Variants in PTPRM observed in about 807,000 individuals in gnomAD.
PTPRM encodes receptor-type tyrosine-protein phosphatase mu.
In PTPRM, 47 loss-of-function variants were observed where a neutral mutation model predicts 186.7. That is an observed-to-expected ratio of 0.25 (90% CI 0.20 to 0.32). PTPRM has a LOEUF of 0.32. PTPRM is among the 10% of genes least tolerant of loss of function. The probability of loss-of-function intolerance (pLI) is 1.00; values close to 1 mark genes in which losing one functional copy is unlikely to be tolerated. For synonymous variants in PTPRM, 668 were observed against 674.9 expected (o/e 0.99, Z 0.16); for missense variants, 1,494 against 1,865.0 (o/e 0.80, Z 3.66).
intron 7 of PTPRM, among the ~76,000 whole-genome samples, chr18:8,055,114 T>A (rs901446165): frequency 6.6e-6 from 1 of 152,158 alleles, no homozygotes; most frequent in African/African-American, 2.4e-5. Flanking sequence ...ATGTGGAATT[T>A]AATTTTTCTA....
chr18:7,594,333 A>G (rs1371560224), intron 1 of PTPRM, among the ~76,000 whole-genome samples: 1 of 152,102 alleles, frequency 6.6e-6, no homozygotes, highest in East Asian at 1.9e-4. Flanking sequence ...TATAAAAATT[A>G]GCTGGGCATG....
intron 7 of PTPRM, among the ~76,000 whole-genome samples, chr18:8,054,298 A>AATATATATATATATATAT (rs34903203): frequency 9.9e-5 from 13 of 131,682 alleles, no homozygotes; most frequent in African/African-American, 3.2e-4. Context: ...TAGTAGTAGT[A>AATATATATATATATATAT]ATATATATAT....
chr18:7,922,200 G>T (rs2050906500), intron 4 of PTPRM, among the ~76,000 whole-genome samples: 1 of 152,206 alleles, frequency 6.6e-6, no homozygotes, highest in Admixed American at 6.5e-5. Context: ...TATACCAGTA[G>T]TGTGGGAAGG....
intron 2 of PTPRM, among the ~76,000 whole-genome samples, chr18:7,883,130 T>C (rs954134007): frequency 2.0e-5 from 3 of 152,208 alleles, no homozygotes; most frequent in Non-Finnish European, 4.4e-5. Context: ...TCTACTTATA[T>C]ACTAGTGACT....
chr18:7,897,882 CAA>C (rs1567984100), intron 3 of PTPRM, among the ~76,000 whole-genome samples: 1 of 151,916 alleles, frequency 6.6e-6, no homozygotes, highest in Non-Finnish European at 1.5e-5. Context: ...AAGGAGGAAA[CAA>C]AGAGAAAAGT....
chr18:8,150,207 G>A (rs779640183), intron 14 of PTPRM, among the ~76,000 whole-genome samples: 1 of 152,184 alleles, frequency 6.6e-6, no homozygotes, highest in South Asian at 2.1e-4. Flanking sequence ...CTAGATTGGG[G>A]AAGTTCTCCT....
intron 3 of PTPRM, among the ~76,000 whole-genome samples, chr18:7,891,219 G>A (rs1490821627): frequency 4.6e-5 from 7 of 152,044 alleles, no homozygotes; most frequent in East Asian, 1.9e-4. Context: ...CTGGGAGGTC[G>A]AGGCTTCAGT....
intron 2 of PTPRM, among the ~76,000 whole-genome samples, chr18:7,807,110 T>C (rs1185664990): frequency 6.6e-6 from 1 of 152,182 alleles, no homozygotes; most frequent in Non-Finnish European, 1.5e-5. Flanking sequence ...TATCCTAGAT[T>C]TTTCTCCTAT....
At chr18:7,642,723 G>A (rs762317841) in intron 1 of PTPRM, among the ~76,000 whole-genome samples, 2 of 151,670 alleles carry the variant, frequency 1.3e-5, no homozygotes, top group Admixed American at 6.6e-5. Flanking sequence ...TGATGTGGTC[G>A]CGCTAACGTT....
In PTPRM at chr18:7,926,667, A is replaced by G; in HGVS notation, c.647A>G (p.Asp216Gly). The G allele has an allele frequency of 6.2e-7, 1 of 1,612,502 alleles. No homozygotes were observed. The highest frequency in any genetic ancestry group is 8.5e-7 in the Non-Finnish European group (1 of 1,179,602). ...GCCATCGGCAGGACCGTGGCAGGAG[A>G]CAGGCTCTGGTTACAGGTACAGTAA... ...CSAIGRTVAG[D>G]RLWLQGIDVR... The change falls in exon 5 of 33, where the codon GAC becomes GGC. Residue 216 changes from aspartate to glycine, a missense_variant. Asp to Gly is a moderately conservative substitution (Grantham distance 94). Coordinates refer to ENST00000580170, the MANE Select transcript of PTPRM (RefSeq NM_001105244.2).
At chr18:8,176,328 G>C (rs2093481170) in intron 14 of PTPRM, among the ~76,000 whole-genome samples, 1 of 152,150 alleles carries the variant, frequency 6.6e-6, no homozygotes, top group Non-Finnish European at 1.5e-5. Flanking sequence ...AGGCCGAATA[G>C]CCATCTATTG....
intron 14 of PTPRM, among the ~76,000 whole-genome samples, chr18:8,235,568 T>C (rs1443937699): frequency 6.6e-6 from 1 of 151,578 alleles, no homozygotes; most frequent in East Asian, 1.9e-4. Flanking sequence ...TTGTTTCTGT[T>C]TCATTGATTT....
chr18:7,674,323 G>A (rs1399130701), intron 1 of PTPRM, among the ~76,000 whole-genome samples: 1 of 152,212 alleles, frequency 6.6e-6, no homozygotes, highest in Non-Finnish European at 1.5e-5. Context: ...AAAGCTTCAA[G>A]AGTTGGGTTT....
At chr18:7,961,229 CTT>C (rs2053662199) in intron 7 of PTPRM, among the ~76,000 whole-genome samples, 1 of 152,138 alleles carries the variant, frequency 6.6e-6, no homozygotes, top group African/African-American at 2.4e-5. Flanking sequence ...CATTGAGAAT[CTT>C]TACATCTTCC....
Position 8,311,469 on chromosome 18 carries a change from C to T in PTPRM, c.2843-3312C>T, listed in dbSNP as rs555255523. Among the ~76,000 whole-genome samples, 110 of 152,250 alleles carry T rather than the reference C, an allele frequency of 7.2e-4. 4 individuals are homozygous for T. The South Asian group carries it at 0.022, about 31-fold the overall frequency. ...CAGGGCCCCACACATGGGACTGCAG[C>T]CTGTGCCTCTGTGCTGTGAATGGAG... On this transcript the variant is annotated intron_variant, in intron 20 of 32. Transcript: ENST00000580170.
intron 14 of PTPRM, among the ~76,000 whole-genome samples, chr18:8,157,176 C>T (rs1345880664): frequency 1.3e-5 from 2 of 152,206 alleles, no homozygotes; most frequent in Non-Finnish European, 2.9e-5. Flanking sequence ...CGGTGTCCCT[C>T]AGTTTCCCCA....
At chr18:8,055,124 A>G (rs1476790868) in intron 7 of PTPRM, among the ~76,000 whole-genome samples, 1 of 151,950 alleles carries the variant, frequency 6.6e-6, no homozygotes. Context: ...TAATTTTTCT[A>G]TCTTTTGTAT....
chr18:7,962,452 A>T (rs1041107427), intron 7 of PTPRM, among the ~76,000 whole-genome samples: 2 of 152,100 alleles, frequency 1.3e-5, no homozygotes, highest in Non-Finnish European at 2.9e-5. Flanking sequence ...GTAGTAGCAC[A>T]CCCTGTCTGT....
At chr18:8,141,260 C>CGACTCAA (rs1421712950) in intron 13 of PTPRM, among the ~76,000 whole-genome samples, 3 of 152,130 alleles carry the variant, frequency 2.0e-5, no homozygotes, top group Non-Finnish European at 4.4e-5. Context: ...CCCAAACACC[C>CGACTCAA]GACTCAACCG....
Sources: allele counts gnomAD v4.1 joint callset (sites outside exome capture counted in the v4.1 genomes callset), GRCh38; gene constraint gnomAD v4.1.1; transcripts MANE v1.5; gene names NCBI Gene and HGNC (gene_info 2026-07-23, HGNC 2026-07-21).